Variants in AP3B2 observed in about 807,000 individuals in gnomAD.
AP3B2 encodes adaptor related protein complex 3 subunit beta 2.
In AP3B2, 50 loss-of-function variants were observed where a neutral mutation model predicts 126.9. The ratio of observed to expected loss-of-function variants is 0.39; its 90% CI spans 0.31 to 0.50. AP3B2 has a LOEUF of 0.50. AP3B2 is among the 20% of genes least tolerant of loss of function. The pLI is 0.79. For synonymous variants in AP3B2, 541 were observed against 565.0 expected (o/e 0.96, Z 0.60); for missense variants, 1,177 against 1,426.4 (o/e 0.83, Z 2.82).
chr15:82,680,982 A>C lies in AP3B2; in HGVS notation c.626T>G (p.Val209Gly). 6.2e-7 allele frequency: 1 copy of C among 1,613,470 alleles called. No individual in the cohort carries two copies. The highest frequency in any genetic ancestry group is 8.5e-7 in the Non-Finnish European group (1 of 1,179,820). ...AATCAGGTCGATGCGCTCCGGGCAGACCTCCTCAAAGGCCATCACCACACT... is the reference window on the plus strand; with the variant it reads ...AATCAGGTCGATGCGCTCCGGGCAGCCCTCCTCAAAGGCCATCACCACACT... ...AGSVVMAFEE[V>G]CPERIDLIHK... Residue 209 changes from valine to glycine, a missense_variant, in exon 7 of 27, where the codon GTC becomes GGC. Coordinates refer to ENST00000535359, the MANE Select transcript of AP3B2 (RefSeq NM_001278512.2). The surrounding 1 kb of genome is among the most constrained non-coding windows in gnomAD (Gnocchi z 6.1).
At position 82,664,675 on chromosome 15, in the gene AP3B2, A is replaced by G. The variant is rs1051084943; in HGVS notation, c.2137+160T>C. Among the ~76,000 whole-genome samples the G allele has an allele frequency of 1.8e-4, 28 of 152,284 alleles. No homozygotes were observed. Among genetic ancestry groups the G allele is most frequent in the African/African-American group, 6.0e-4 (25 of 41,564 alleles). On this transcript the variant is annotated intron_variant, in intron 18 of 26. Transcript: ENST00000535359. This position sits in a 1 kb window ranked among gnomAD's most constrained non-coding sequence, Gnocchi z 4.5. ...GGACTCCATGGATAGAAACCTGCACAAGCACACACACCTGGAACATGAATC... is the reference window on the plus strand; with the variant it reads ...GGACTCCATGGATAGAAACCTGCACGAGCACACACACCTGGAACATGAATC...
chr15:82,688,704 C>A (rs1184600171), intron 4 of AP3B2, 32 bp downstream of exon 4: 2 of 1,578,396 alleles, frequency 1.3e-6, no homozygotes, highest in South Asian at 1.2e-5. Flanking sequence ...CAACGAGGCC[C>A]AGGCCCTGGG....
chr15:82,664,514 T>A lies in AP3B2; in HGVS notation c.2138-24A>T. 1.2e-6 allele frequency: 2 copies of A among 1,603,902 alleles called. No homozygotes were observed. The highest frequency in any genetic ancestry group is 1.7e-4 in the Middle Eastern group (1 of 6,054). ...GTCTGTGGAGGAACAATATGAGGCC[T>A]CCTCCCTCATATGCAGGCCTCCTTG... is the stretch of plus-strand genomic sequence containing the variant. On this transcript the variant is annotated intron_variant, in intron 18 of 26. Coordinates refer to ENST00000535359, the MANE Select transcript of AP3B2 (RefSeq NM_001278512.2). This position sits in a 1 kb window ranked among gnomAD's most constrained non-coding sequence, Gnocchi z 4.5.
In AP3B2 at chr15:82,659,399, A is replaced by G; in HGVS notation, c.*161T>C. On this transcript the variant is annotated 3_prime_UTR_variant, in exon 27 of 27. Transcript: ENST00000535359. ...TCACTAAGGAATCCATGGGGAGGGC[A>G]TTAGGGGAGGGCTTGGTCCTCCAGA... is the stretch of plus-strand genomic sequence containing the variant. The G allele has an allele frequency of 1.2e-6, 1 of 836,102 alleles. No individual in the cohort carries two copies. Among genetic ancestry groups the G allele is most frequent in the Non-Finnish European group, 1.9e-6 (1 of 537,590 alleles). 51.8% of individuals were successfully genotyped at this position (836,102 alleles called of 1,614,324 possible).
At chr15:82,707,157 GT>G (rs934171572) in intron 1 of AP3B2, among the ~76,000 whole-genome samples, 6 of 152,082 alleles carry the variant, frequency 3.9e-5, no homozygotes, top group African/African-American at 1.4e-4. Context: ...CACCCAAGCA[GT>G]TTCTCAGGCT....
At chr15:82,708,926 G>C (rs990079332) in intron 1 of AP3B2, 4 of 152,228 alleles carry the variant, frequency 2.6e-5, no homozygotes, top group African/African-American at 9.7e-5. Flanking sequence ...GTTCACAGTT[G>C]TATTCCGTGA....
chr15:82,692,344 C>T, intron 1 of AP3B2: 2 of 548,704 alleles, frequency 3.6e-6, no homozygotes, highest in Middle Eastern at 8.6e-4. Flanking sequence ...TGCGCTCATC[C>T]GCCCAGCCCA....
chr15:82,676,828 C>G lies in AP3B2; in HGVS notation c.1489-191G>C, dbSNP rs897887284. Among the ~76,000 whole-genome samples, 6 of 152,274 alleles carry G rather than the reference C, an allele frequency of 3.9e-5. No individual in the cohort carries two copies. The East Asian group carries it at 1.2e-3, about 29-fold the overall frequency. ...AGACATTTCCTAGACAGCATTTCCC[C>G]TCTTCCCTAGGGCTTCATTAGCATA... is the stretch of plus-strand genomic sequence containing the variant. On this transcript the variant is annotated intron_variant, in intron 13 of 26. Coordinates refer to ENST00000535359, the MANE Select transcript of AP3B2 (RefSeq NM_001278512.2).
At chr15:82,694,646 C>T (rs1430295092) in intron 1 of AP3B2, among the ~76,000 whole-genome samples, 2 of 151,208 alleles carry the variant, frequency 1.3e-5, no homozygotes, top group South Asian at 2.1e-4. Flanking sequence ...GATTGTGCTA[C>T]TGCACTCCAG....
At chr15:82,707,649 G>A (rs1305234224) in intron 1 of AP3B2, among the ~76,000 whole-genome samples, 3 of 152,204 alleles carry the variant, frequency 2.0e-5, no homozygotes, top group Non-Finnish European at 4.4e-5. Flanking sequence ...GGGCTATGCT[G>A]AACCTCCTTG....
chr15:82,679,822 G>C (rs1045615636), intron 9 of AP3B2, 22 bp from the exon 10 acceptor site: 9 of 1,611,372 alleles, frequency 5.6e-6, no homozygotes, highest in Admixed American at 5.0e-5. Flanking sequence ...GAGGCAGCTA[G>C]GGAGCTCCAC....
intron 1 of AP3B2, chr15:82,699,118 C>G (rs2048676592): frequency 6.5e-6 from 1 of 152,792 alleles, no homozygotes; most frequent in Non-Finnish European, 1.5e-5. Context: ...CTCACTCTGA[C>G]CTGACCCCTA....
intron 1 of AP3B2, chr15:82,699,690 T>C: frequency 2.5e-6 from 1 of 399,604 alleles, no homozygotes; most frequent in Non-Finnish European, 4.4e-6. Context: ...CCAGAGATGC[T>C]TCTGGGGTCG....
chr15:82,661,795 C>A (rs929501991), intron 25 of AP3B2, 30 bp downstream of exon 25: 1 of 1,565,756 alleles, frequency 6.4e-7, no homozygotes, highest in Non-Finnish European at 8.7e-7. Flanking sequence ...TCTATACTTC[C>A]CTCTCTGCCC....
chr15:82,697,461 A>C (rs1293560005), intron 1 of AP3B2, among the ~76,000 whole-genome samples: 1 of 152,236 alleles, frequency 6.6e-6, no homozygotes, highest in Non-Finnish European at 1.5e-5. Context: ...GATAACAATC[A>C]TAAAGTGGCA....
chr15:82,664,028 C>T lies in AP3B2; in HGVS notation c.2262-53G>A. ...GCCTGGCCTGGACACTCCCTCCTTG[C>T]TTCACAGAAGCAGGAGAAATGCTGA... is the stretch of plus-strand genomic sequence containing the variant. On this transcript the variant is annotated intron_variant, in intron 19 of 26. Coordinates refer to ENST00000535359, the MANE Select transcript of AP3B2 (RefSeq NM_001278512.2). This position sits in a 1 kb window ranked among gnomAD's most constrained non-coding sequence, Gnocchi z 4.5. 17 of 1,557,302 alleles carry T rather than the reference C, an allele frequency of 1.1e-5. No individual in the cohort carries two copies. The highest frequency in any genetic ancestry group is 1.5e-5 in the Non-Finnish European group (17 of 1,156,096).
Position 82,690,646 on chromosome 15 carries a change from T to C in AP3B2, c.114-1193A>G, listed in dbSNP as rs1292403547. 1.9e-4 allele frequency among the ~76,000 whole-genome samples: 23 copies of C among 122,102 alleles called. No homozygotes were observed. The South Asian group carries it at 3.3e-3, about 17-fold the overall frequency. The allele number at this position is 122,102 out of a possible 152,430, so 80.1% of individuals were successfully genotyped here. Reference sequence around the variant, plus strand: ...TATGTGCCACATTTTCTTCTTCTTTTTTTTTTTTTTTTTTTTTTTTTTTGT... The same window carrying C: ...TATGTGCCACATTTTCTTCTTCTTTCTTTTTTTTTTTTTTTTTTTTTTTGT... On this transcript the variant is annotated intron_variant, in intron 1 of 26. Coordinates refer to ENST00000535359, the MANE Select transcript of AP3B2 (RefSeq NM_001278512.2).
In AP3B2 at chr15:82,681,561, C is replaced by T; in HGVS notation, c.380G>A (p.Arg127His). Reference protein sequence around the residue: ...RGLKDPNQLIRASALRVLSSI... With the variant: ...RGLKDPNQLIHASALRVLSSI... ...AGAGAGGACACGGAGGGCACTGGCACGAATCAGCTGGTTGGGATCCTAAAG... is the reference window on the plus strand; with the variant it reads ...AGAGAGGACACGGAGGGCACTGGCATGAATCAGCTGGTTGGGATCCTAAAG... Residue 127 changes from arginine (R) to histidine (H), a missense_variant, in exon 5 of 27, where the codon CGT (arginine) becomes CAT (histidine). Transcript: ENST00000535359. The surrounding 1 kb of genome is among the most constrained non-coding windows in gnomAD (Gnocchi z 4.0). 5.0e-6 allele frequency: 8 copies of T among 1,613,582 alleles called. No homozygotes were observed. Among genetic ancestry groups the T allele is most frequent in the Non-Finnish European group, 6.8e-6 (8 of 1,179,806 alleles).
chr15:82,709,277 G>T (rs1189877913), intron 1 of AP3B2, among the ~76,000 whole-genome samples: 1 of 152,136 alleles, frequency 6.6e-6, no homozygotes, highest in African/African-American at 2.4e-5. Flanking sequence ...AAAAAGGAAG[G>T]GAACCCCTAA....
Sources: allele counts gnomAD v4.1 joint callset (sites outside exome capture counted in the v4.1 genomes callset), GRCh38; gene constraint gnomAD v4.1.1; non-coding constraint Gnocchi (gnomAD v3.1); transcripts MANE v1.5; gene names NCBI Gene and HGNC (gene_info 2026-07-23, HGNC 2026-07-21).